Variants in LINGO2 observed in about 807,000 individuals in gnomAD.
The protein encoded by LINGO2 is leucine-rich repeat and immunoglobulin-like domain-containing nogo receptor-interacting protein 2.
A neutral mutation model predicts 30.6 loss-of-function variants in LINGO2; 14 were observed. The observed-to-expected ratio is 0.46, with a 90% CI of 0.30 to 0.72. The LOEUF (loss-of-function observed/expected upper bound fraction) is 0.72, where lower values mean the gene tolerates loss of function less well. LINGO2 is among the 30% of genes least tolerant of loss of function. The pLI, the probability that LINGO2 is intolerant of heterozygous loss-of-function variation, is 0.07. For missense variants in LINGO2, 729 were observed against 751.7 expected, an observed-to-expected ratio of 0.97 and a Z score of 0.35; for synonymous variants, 317 against 288.5, an observed-to-expected ratio of 1.10 and a Z score of -1.00.
chr9:28,394,940 A>G (rs965536248), intron 2 of LINGO2, among the ~76,000 whole-genome samples: 4 of 152,240 alleles, frequency 2.6e-5, no homozygotes, highest in African/African-American at 9.6e-5. Context: ...GGTAGAAAAG[A>G]TAAACTTGCC....
At chr9:28,391,743 A>G (rs1821841528) in intron 2 of LINGO2, among the ~76,000 whole-genome samples, 1 of 152,112 alleles carries the variant, frequency 6.6e-6, no homozygotes, top group Non-Finnish European at 1.5e-5. Context: ...ATCACATGGA[A>G]ATTCTTTATA....
intron 4 of LINGO2, among the ~76,000 whole-genome samples, chr9:28,226,697 AAGAAAGAGAAAG>A (rs201476924): frequency 6.6e-5 from 4 of 60,516 alleles, no homozygotes; most frequent in East Asian, 3.9e-4. Flanking sequence ...GAAAGAAAGA[AAGAAAGAGAAAG>A]AGAAAGAAAG....
At chr9:28,744,533 T>G in the LINGO2 span, among the ~76,000 whole-genome samples, 1 of 151,932 alleles carries the variant, frequency 6.6e-6, no homozygotes, top group Non-Finnish European at 1.5e-5. Context: ...TTTTAGTGAC[T>G]TGGCAGAATT....
chr9:28,785,030 G>A, the LINGO2 span, among the ~76,000 whole-genome samples: 1 of 151,930 alleles, frequency 6.6e-6, no homozygotes, highest in South Asian at 2.1e-4. Flanking sequence ...ATAGTATAAT[G>A]TGGATTGTTC....
intron 4 of LINGO2, among the ~76,000 whole-genome samples, chr9:28,259,609 CAA>C (rs1366541434): frequency 3.3e-5 from 5 of 151,402 alleles, no homozygotes; most frequent in South Asian, 4.2e-4. Context: ...AGAGAATGAG[CAA>C]GAGAGAGAGA....
At chr9:28,238,491 G>C (rs1821660554) in intron 4 of LINGO2, among the ~76,000 whole-genome samples, 1 of 152,082 alleles carries the variant, frequency 6.6e-6, no homozygotes, top group Admixed American at 6.6e-5. Context: ...ACAAGAAGCA[G>C]AACTTTGGAA....
chr9:28,338,529 T>A (rs1051268493), intron 3 of LINGO2, among the ~76,000 whole-genome samples: 6 of 152,094 alleles, frequency 3.9e-5, no homozygotes, highest in Non-Finnish European at 5.9e-5. Flanking sequence ...AGGGGCAGAA[T>A]GATGTGGTCT....
At chr9:28,982,265 A>G in the LINGO2 span, among the ~76,000 whole-genome samples, 3 of 152,140 alleles carry the variant, frequency 2.0e-5, no homozygotes, top group East Asian at 5.8e-4. Flanking sequence ...CTAAGGAAAA[A>G]TAGGATGATT....
At chr9:28,043,338 T>A (rs1412175916) in intron 4 of LINGO2, among the ~76,000 whole-genome samples, 1 of 152,184 alleles carries the variant, frequency 6.6e-6, no homozygotes, top group African/African-American at 2.4e-5. Context: ...CCCTCAACAC[T>A]CACACATGAA....
chr9:28,121,518 C>T (rs1827096288), intron 4 of LINGO2, among the ~76,000 whole-genome samples: 1 of 152,050 alleles, frequency 6.6e-6, no homozygotes, highest in South Asian at 2.1e-4. Context: ...TCCCATGGAA[C>T]CTTCAGGAAA....
chr9:29,154,592 A>T, the LINGO2 span, among the ~76,000 whole-genome samples: 4 of 152,182 alleles, frequency 2.6e-5, no homozygotes, highest in Non-Finnish European at 5.9e-5. Flanking sequence ...AGTACAGTCA[A>T]CTGGTGGAGT....
chr9:28,488,489 C>T (rs1826260653), intron 1 of LINGO2, among the ~76,000 whole-genome samples: 1 of 152,058 alleles, frequency 6.6e-6, no homozygotes, highest in African/African-American at 2.4e-5. Flanking sequence ...GGTTAAAACA[C>T]CAGCTCTAGA....
intron 2 of LINGO2, among the ~76,000 whole-genome samples, chr9:28,398,965 T>A (rs970557716): frequency 1.3e-5 from 2 of 152,072 alleles, no homozygotes; most frequent in Non-Finnish European, 2.9e-5. Context: ...AAAAACTCCA[T>A]GTAGCAAAAA....
the LINGO2 span, among the ~76,000 whole-genome samples, chr9:29,021,255 G>C: frequency 6.6e-6 from 1 of 152,136 alleles, no homozygotes; most frequent in African/African-American, 2.4e-5. Flanking sequence ...AGGGTAGCAG[G>C]AAGAGAAAAA....
intron 1 of LINGO2, among the ~76,000 whole-genome samples, chr9:28,564,902 TG>T (rs550894244): frequency 1.0e-3 from 159 of 152,226 alleles, no homozygotes; most frequent in African/African-American, 3.6e-3. Flanking sequence ...CAGAGTTCTA[TG>T]GCACAGCACT....
At chr9:28,840,092 G>T in the LINGO2 span, among the ~76,000 whole-genome samples, 2 of 149,836 alleles carry the variant, frequency 1.3e-5, no homozygotes, top group Admixed American at 1.3e-4. Context: ...GCAGGGAGGG[G>T]CTAGGCAACA....
the LINGO2 span, among the ~76,000 whole-genome samples, chr9:29,189,619 C>T: frequency 6.6e-6 from 1 of 151,988 alleles, no homozygotes; most frequent in Non-Finnish European, 1.5e-5. Context: ...GGGTGGCGGC[C>T]GGGCAGAGGC....
Position 28,047,508 on chromosome 9 carries a change from C to T in LINGO2, c.-86-35103G>A, listed in dbSNP as rs759802247. Reference sequence around the variant, plus strand: ...TAATTCCAGTTTAATAAATACAGGACGGCAGTTAAGAGCATGGCCTTCAAA... The same window carrying T: ...TAATTCCAGTTTAATAAATACAGGATGGCAGTTAAGAGCATGGCCTTCAAA... On this transcript the variant is annotated intron_variant, in intron 4 of 5. Transcript: ENST00000379992. Among the ~76,000 whole-genome samples the T allele has an allele frequency of 4.6e-5, 7 of 150,832 alleles. 1 individual carries two copies. The highest frequency in any genetic ancestry group is 7.4e-5 in the Non-Finnish European group (5 of 67,878).
chr9:29,176,069 T>C, the LINGO2 span, among the ~76,000 whole-genome samples: 1 of 152,276 alleles, frequency 6.6e-6, no homozygotes, highest in Non-Finnish European at 1.5e-5. Context: ...ATCTTTTGTG[T>C]GAGAGACAGA....
Sources: gnomAD v4.1 joint callset for allele counts (sites outside exome capture counted in the v4.1 genomes callset) on GRCh38, gnomAD v4.1.1 for gene constraint, MANE v1.5 for transcripts, NCBI Gene and HGNC (gene_info 2026-07-23, HGNC 2026-07-21) for gene names.